Variants in COL13A1 observed in about 807,000 individuals in gnomAD.
COL13A1 encodes collagen type XIII alpha 1 chain.
A neutral mutation model predicts 130.9 loss-of-function variants in COL13A1; 89 were observed. The ratio of observed to expected loss-of-function variants is 0.68; its 90% CI spans 0.57 to 0.81. The LOEUF (loss-of-function observed/expected upper bound fraction) is 0.81. Among genes scored for constraint, COL13A1 ranks in the 30% least tolerant of loss-of-function variants. COL13A1 has a pLI of 0.00. For missense variants in COL13A1, 879 were observed against 934.6 expected, an observed-to-expected ratio of 0.94 and a Z score of 0.78; for synonymous variants, 402 against 341.6, an observed-to-expected ratio of 1.18 and a Z score of -1.95.
chr10:69,855,528 T>C (rs1225492892), intron 2 of COL13A1, among the ~76,000 whole-genome samples: 2 of 152,256 alleles, frequency 1.3e-5, no homozygotes, highest in South Asian at 4.1e-4. Flanking sequence ...TAATAATTAG[T>C]AATTAGCTAA....
intron 34 of COL13A1, among the ~76,000 whole-genome samples, chr10:69,938,961 C>T (rs542218632): frequency 6.6e-6 from 1 of 152,194 alleles, no homozygotes; most frequent in Non-Finnish European, 1.5e-5. Flanking sequence ...TTGATGAACA[C>T]TCGAGAATTC....
chr10:69,893,384 C>T (rs1254574946), intron 10 of COL13A1, among the ~76,000 whole-genome samples: 5 of 152,234 alleles, frequency 3.3e-5, no homozygotes, highest in Non-Finnish European at 7.3e-5. Flanking sequence ...AAACACTTGG[C>T]CAGCCACATG....
intron 15 of COL13A1, 133 bp downstream of exon 15, chr10:69,902,988 C>G: frequency 1.6e-6 from 1 of 636,356 alleles, no homozygotes; most frequent in Non-Finnish European, 2.6e-6. Context: ...GTGGGTGAAC[C>G]ATGCAAGGGG....
chr10:69,908,969 A>T (rs1253264996), intron 17 of COL13A1, among the ~76,000 whole-genome samples: 1 of 152,182 alleles, frequency 6.6e-6, no homozygotes, highest in Non-Finnish European at 1.5e-5. Context: ...AGTTCTGGTC[A>T]CCAGAGGTGT....
At chr10:69,945,172 C>A (rs929682244) in intron 36 of COL13A1, among the ~76,000 whole-genome samples, 1 of 152,220 alleles carries the variant, frequency 6.6e-6, no homozygotes, top group Non-Finnish European at 1.5e-5. Flanking sequence ...CCTGTGTGGG[C>A]AGCTCCCTGC....
chr10:69,934,170 T>G (rs2135926605), intron 31 of COL13A1, among the ~76,000 whole-genome samples: 1 of 152,300 alleles, frequency 6.6e-6, no homozygotes, highest in South Asian at 2.1e-4. Flanking sequence ...TTTTTATTCT[T>G]TTTATTATTT....
intron 2 of COL13A1, among the ~76,000 whole-genome samples, chr10:69,836,117 T>A (rs1849983934): frequency 1.3e-5 from 2 of 152,050 alleles, no homozygotes; most frequent in Non-Finnish European, 2.9e-5. Context: ...ACTCCCTCAC[T>A]CCCCACCAAA....
At chr10:69,947,965 G>T (rs183184476) in intron 38 of COL13A1, among the ~76,000 whole-genome samples, 7 of 152,160 alleles carry the variant, frequency 4.6e-5, no homozygotes, top group African/African-American at 1.4e-4. Flanking sequence ...GGGTGGCACC[G>T]ACCACAGCCT....
At chr10:69,901,175 A>C (rs927661677) in intron 14 of COL13A1, among the ~76,000 whole-genome samples, 2 of 152,142 alleles carry the variant, frequency 1.3e-5, no homozygotes, top group Non-Finnish European at 1.5e-5. Flanking sequence ...TCAACAACCA[A>C]CATGCAGCCG....
intron 2 of COL13A1, among the ~76,000 whole-genome samples, chr10:69,852,230 A>T (rs1424544363): frequency 6.6e-6 from 1 of 152,100 alleles, no homozygotes; most frequent in Non-Finnish European, 1.5e-5. Flanking sequence ...GCATATTGTA[A>T]CTTCTCATAG....
chr10:69,854,356 A>G (rs1445334919), intron 2 of COL13A1, among the ~76,000 whole-genome samples: 5 of 152,216 alleles, frequency 3.3e-5, no homozygotes, highest in Non-Finnish European at 7.3e-5. Context: ...GCTGGAGTTC[A>G]GGAGTTCAAG....
At chr10:69,806,415 A>G (rs931732127) in intron 1 of COL13A1, among the ~76,000 whole-genome samples, 3 of 152,226 alleles carry the variant, frequency 2.0e-5, no homozygotes, top group Admixed American at 6.5e-5. Flanking sequence ...GAGGGGAGCC[A>G]GAGGCAGATC....
rs528625588 is a variant in COL13A1 at position 69,859,519 on chromosome 10, T to C, written c.365-8279T>C. Among the ~76,000 whole-genome samples the C allele has an allele frequency of 3.3e-5, 5 of 152,310 alleles. No homozygotes were observed. In the South Asian group the frequency reaches 1.0e-3, roughly 32 times the overall value. On this transcript the variant is annotated intron_variant, in intron 2 of 40. Transcript: ENST00000645393. ...AGAGCCATGATGTGACGTTTGAGCTTCCCCAGGCAGGGCCTTGCACAGGAA... is the reference window on the plus strand; with the variant it reads ...AGAGCCATGATGTGACGTTTGAGCTCCCCCAGGCAGGGCCTTGCACAGGAA...
chr10:69,958,632 A>G (rs1313317479), intron 40 of COL13A1, 67 bp from the exon 41 acceptor site: 4 of 1,611,422 alleles, frequency 2.5e-6, no homozygotes, highest in South Asian at 1.1e-5. Context: ...CTCCCTTCCT[A>G]CAAAGGAAAT....
At chr10:69,804,762 G>A (rs930201567) in intron 1 of COL13A1, among the ~76,000 whole-genome samples, 3 of 122,838 alleles carry the variant, frequency 2.4e-5, no homozygotes, top group African/African-American at 6.3e-5. Context: ...CTTACATACA[G>A]GGAAGTAGTG....
rs930632313 is a variant in COL13A1, at chr10:69,913,426, G to A, written c.922-3863G>A. Among the ~76,000 whole-genome samples the A allele has an allele frequency of 9.8e-5, 15 of 152,304 alleles. 1 individual carries two copies. In the South Asian group the frequency reaches 2.9e-3, roughly 30 times the overall value. On this transcript the variant is annotated intron_variant, in intron 17 of 40. Coordinates refer to ENST00000645393, the MANE Select transcript of COL13A1 (RefSeq NM_001368882.1). The stretch of plus-strand genomic sequence containing the variant: ...TCCAAAAACCAAGACAGTGATGAGT[G>A]AGTGGATGGAAACTGAGCACAATTA...
At chr10:69,818,897 C>A (rs549449702) in intron 1 of COL13A1, among the ~76,000 whole-genome samples, 6 of 152,190 alleles carry the variant, frequency 3.9e-5, no homozygotes, top group Non-Finnish European at 8.8e-5. Context: ...GAATGTTTTC[C>A]CAGCTATCTG....
At chr10:69,879,667 A>T (rs1274790271) in intron 6 of COL13A1, among the ~76,000 whole-genome samples, 2 of 152,116 alleles carry the variant, frequency 1.3e-5, no homozygotes, top group Non-Finnish European at 2.9e-5. Context: ...TTCCCAGAGG[A>T]GGTATGTGGG....
At chr10:69,827,880 C>G (rs1190296290) in intron 2 of COL13A1, among the ~76,000 whole-genome samples, 1 of 152,166 alleles carries the variant, frequency 6.6e-6, no homozygotes, top group Non-Finnish European at 1.5e-5. Flanking sequence ...CTCTTACCTC[C>G]CCTGTGCTGC....
Sources: gnomAD v4.1 joint callset for allele counts (sites outside exome capture counted in the v4.1 genomes callset) on GRCh38, gnomAD v4.1.1 for gene constraint, MANE v1.5 for transcripts, NCBI Gene and HGNC (gene_info 2026-07-23, HGNC 2026-07-21) for gene names.